Variants in HPSE2 observed in about 807,000 individuals in gnomAD.
HPSE2 encodes the protein heparanase 2 (inactive).
HPSE2 carries 38 observed loss-of-function variants against 60.5 expected under a neutral mutation model. The ratio of observed to expected loss-of-function variants is 0.63; its 90% CI spans 0.48 to 0.82. The LOEUF (loss-of-function observed/expected upper bound fraction) is 0.82. Among genes scored for constraint, HPSE2 ranks in the 40% least tolerant of loss-of-function variants. HPSE2 has a pLI of 0.00. For missense variants in HPSE2, 713 were observed against 740.4 expected (o/e 0.96, Z 0.43); for synonymous variants, 295 against 293.2 (o/e 1.01, Z -0.06).
At chr10:98,942,702 A>G (rs1256784174) in intron 3 of HPSE2, among the ~76,000 whole-genome samples, 1 of 152,108 alleles carries the variant, frequency 6.6e-6, no homozygotes, top group Non-Finnish European at 1.5e-5. Flanking sequence ...AACTAGAAAC[A>G]CCATTTGACC....
chr10:99,306,559 C>T, the HPSE2 span, among the ~76,000 whole-genome samples: 1 of 152,108 alleles, frequency 6.6e-6, no homozygotes, highest in African/African-American at 2.4e-5. Flanking sequence ...GTATGTGTGG[C>T]ATCATTAGTC....
chr10:99,199,156 C>T (rs961870863), intron 2 of HPSE2, among the ~76,000 whole-genome samples: 3 of 152,090 alleles, frequency 2.0e-5, no homozygotes, highest in Non-Finnish European at 4.4e-5. Flanking sequence ...CATGGGAGTG[C>T]AAATACCTCT....
chr10:99,025,678 C>A (rs1295964932), intron 3 of HPSE2, among the ~76,000 whole-genome samples: 4 of 151,918 alleles, frequency 2.6e-5, no homozygotes, highest in Non-Finnish European at 4.4e-5. Flanking sequence ...AAGAAGGAAA[C>A]AACAGACACT....
chr10:98,991,514 GAGT>G (rs1956524258), intron 3 of HPSE2, among the ~76,000 whole-genome samples: 1 of 152,148 alleles, frequency 6.6e-6, no homozygotes, highest in Non-Finnish European at 1.5e-5. Context: ...AGACAGTGGG[GAGT>G]AAAGTGGGTG....
intron 3 of HPSE2, among the ~76,000 whole-genome samples, chr10:99,061,840 TAATAAA>T (rs1842453466): frequency 6.6e-6 from 1 of 152,226 alleles, no homozygotes; most frequent in Admixed American, 6.5e-5. Flanking sequence ...GTACTTTTGC[TAATAAA>T]AATAAATTCA....
At chr10:99,030,647 C>A (rs903949110) in intron 3 of HPSE2, among the ~76,000 whole-genome samples, 3 of 152,122 alleles carry the variant, frequency 2.0e-5, no homozygotes, top group African/African-American at 7.2e-5. Flanking sequence ...TGGCTATATA[C>A]CCCAAAGAAA....
intron 9 of HPSE2, among the ~76,000 whole-genome samples, chr10:98,563,463 GGTAATGAAAAT>G: frequency 6.6e-6 from 1 of 152,046 alleles, no homozygotes; most frequent in South Asian, 2.1e-4. Flanking sequence ...TTTCTTCTTG[GGTAATGAAAAT>G]GTACAAAAAG....
intron 9 of HPSE2, among the ~76,000 whole-genome samples, chr10:98,564,623 T>C (rs1223249230): frequency 6.6e-6 from 1 of 152,104 alleles, no homozygotes; most frequent in Non-Finnish European, 1.5e-5. Context: ...GCAAATCGAG[T>C]AGTTAAAAAT....
At chr10:99,111,780 T>C (rs1418213436) in intron 3 of HPSE2, among the ~76,000 whole-genome samples, 1 of 152,224 alleles carries the variant, frequency 6.6e-6, no homozygotes, top group African/African-American at 2.4e-5. Context: ...ACCAGAATTT[T>C]AGTGTAAGAG....
intron 3 of HPSE2, among the ~76,000 whole-genome samples, chr10:99,102,516 G>C (rs1234969410): frequency 6.6e-6 from 1 of 152,134 alleles, no homozygotes; most frequent in Non-Finnish European, 1.5e-5. Context: ...AAAAAGGCCA[G>C]GACCAGATGG....
intron 3 of HPSE2, among the ~76,000 whole-genome samples, chr10:98,781,016 T>G (rs553456781): frequency 6.6e-6 from 1 of 152,052 alleles, no homozygotes; most frequent in Non-Finnish European, 1.5e-5. Flanking sequence ...TACCTTTATC[T>G]CTTTCTGCCC....
At chr10:98,963,868 A>C (rs1205498415) in intron 3 of HPSE2, among the ~76,000 whole-genome samples, 2 of 152,118 alleles carry the variant, frequency 1.3e-5, no homozygotes, top group Non-Finnish European at 2.9e-5. Flanking sequence ...TGCCTTTGTA[A>C]GACTAGGAAA....
chr10:98,862,475 T>C (rs1952481009), intron 3 of HPSE2, among the ~76,000 whole-genome samples: 1 of 152,180 alleles, frequency 6.6e-6, no homozygotes, highest in Admixed American at 6.6e-5. Flanking sequence ...TATCTCATGG[T>C]GTTGTTAATC....
At chr10:98,465,805 T>A (rs935065470) in intron 11 of HPSE2, among the ~76,000 whole-genome samples, 5 of 152,228 alleles carry the variant, frequency 3.3e-5, no homozygotes, top group African/African-American at 1.2e-4. Flanking sequence ...TTCTCTTAAT[T>A]CCCTAGCTTG....
chr10:98,896,063 T>C (rs1191727794), intron 3 of HPSE2, among the ~76,000 whole-genome samples: 1 of 151,338 alleles, frequency 6.6e-6, no homozygotes, highest in Non-Finnish European at 1.5e-5. Flanking sequence ...TGTGCACATG[T>C]ACCCTAAAAC....
chr10:99,066,337 C>A (rs1428581917), intron 3 of HPSE2, among the ~76,000 whole-genome samples: 1 of 151,990 alleles, frequency 6.6e-6, no homozygotes, highest in Non-Finnish European at 1.5e-5. Flanking sequence ...AAATAAGTGA[C>A]CTAAGTTTCT....
chr10:98,728,900 T>G (rs1446445431), intron 4 of HPSE2, among the ~76,000 whole-genome samples: 1 of 152,020 alleles, frequency 6.6e-6, no homozygotes, highest in Admixed American at 6.6e-5. Flanking sequence ...TCCCAGCTAC[T>G]CAGGAGGCTA....
At chr10:98,497,625 C>T (rs1262348170) in intron 9 of HPSE2, among the ~76,000 whole-genome samples, 1 of 152,068 alleles carries the variant, frequency 6.6e-6, no homozygotes, top group Non-Finnish European at 1.5e-5. Flanking sequence ...GAAATTGATA[C>T]ATAATCAATA....
chr10:98,852,661 A>G (rs570174736), intron 3 of HPSE2, among the ~76,000 whole-genome samples: 1 of 152,320 alleles, frequency 6.6e-6, no homozygotes, highest in African/African-American at 2.4e-5. Flanking sequence ...ACATTTCTAC[A>G]TGGCTGTCCC....
Sources: allele counts gnomAD v4.1 joint callset (sites outside exome capture counted in the v4.1 genomes callset), GRCh38; gene constraint gnomAD v4.1.1; transcripts MANE v1.5; gene names NCBI Gene and HGNC (gene_info 2026-07-23, HGNC 2026-07-21).